The following RIMS4 variants were observed in gnomAD, a reference collection of about 807,000 sequenced individuals.
RIMS4 encodes the protein regulating synaptic membrane exocytosis 4.
Under a neutral mutation model 29.0 loss-of-function variants are expected in RIMS4, and 9 were observed. The ratio of observed to expected loss-of-function variants is 0.31; its 90% CI spans 0.19 to 0.54. The LOEUF (loss-of-function observed/expected upper bound fraction) is 0.54. RIMS4 is among the 20% of genes least tolerant of loss of function. The probability of loss-of-function intolerance (pLI) is 0.94; values close to 1 mark genes in which losing one functional copy is unlikely to be tolerated. For synonymous variants in RIMS4, 130 were observed against 152.9 expected (o/e 0.85, Z 1.10); for missense variants, 193 against 365.7 (o/e 0.53, Z 3.85).
In RIMS4 at chr20:44,773,501, A is replaced by C. The variant is rs370361270; in HGVS notation, c.98-2088T>G. ...GTGCAGGAACAAACACCCCCCCCAC[A>C]CCCCACACTAGGGATACAGACCCAT... On this transcript the variant is annotated intron_variant, in intron 1 of 5. Coordinates refer to ENST00000372851, the MANE Select transcript of RIMS4 (RefSeq NM_182970.4). Among the ~76,000 whole-genome samples the C allele has an allele frequency of 2.7e-4, 40 of 149,172 alleles. No homozygotes were observed. In the East Asian group the frequency reaches 5.7e-3, roughly 21 times the overall value.
At chr20:44,788,832 A>C (rs2066220159) in intron 1 of RIMS4, among the ~76,000 whole-genome samples, 1 of 152,158 alleles carries the variant, frequency 6.6e-6, no homozygotes, top group African/African-American at 2.4e-5. Context: ...TGCTGATAAC[A>C]GTGACTGCCA....
chr20:44,786,600 T>C (rs2208091), intron 1 of RIMS4, among the ~76,000 whole-genome samples: 67,202 of 152,000 alleles, frequency 0.44, 15,711 homozygotes, highest in African/African-American at 0.58. Flanking sequence ...GCAAACAGGA[T>C]GGCAGCATAA....
At chr20:44,803,967 T>C (rs1370149564) in intron 1 of RIMS4, among the ~76,000 whole-genome samples, 1 of 152,248 alleles carries the variant, frequency 6.6e-6, no homozygotes, top group Non-Finnish European at 1.5e-5. Context: ...TGTCACCTGC[T>C]GTTCTGACAG....
chr20:44,799,075 G>T (rs2066266817), intron 1 of RIMS4, among the ~76,000 whole-genome samples: 1 of 152,172 alleles, frequency 6.6e-6, no homozygotes, highest in South Asian at 2.1e-4. Flanking sequence ...GGCTGAGGTG[G>T]GCAGATCACC....
At chr20:44,796,208 C>T (rs1324557978) in intron 1 of RIMS4, among the ~76,000 whole-genome samples, 1 of 151,940 alleles carries the variant, frequency 6.6e-6, no homozygotes, top group Non-Finnish European at 1.5e-5. Context: ...ATGGCCTTTC[C>T]CAGCACCCTG....
intron 1 of RIMS4, among the ~76,000 whole-genome samples, chr20:44,782,131 A>G (rs1456270293): frequency 1.3e-5 from 2 of 152,232 alleles, no homozygotes; most frequent in African/African-American, 4.8e-5. Context: ...CCTGCAAAAC[A>G]GGAAAAATGA....
In RIMS4 at chr20:44,756,079, G is replaced by C; in HGVS notation, c.*55C>G. 1 of 1,403,114 alleles carries C rather than the reference G, an allele frequency of 7.1e-7. No homozygotes were observed. The allele number at this position is 1,403,114 out of a possible 1,614,324, so 86.9% of individuals were successfully genotyped here. On this transcript the variant is annotated 3_prime_UTR_variant, in exon 6 of 6. Coordinates refer to ENST00000372851, the MANE Select transcript of RIMS4 (RefSeq NM_182970.4). The surrounding 1 kb of genome is among the most constrained non-coding windows in gnomAD (Gnocchi z 5.9). ...ATGTGCCCCTGGGCCTGGGGTCCCA[G>C]GTCAGGGCTGGGTGGTCTCCAGGCC...
chr20:44,756,753 CCA>C lies in RIMS4; in HGVS notation c.591+143_591+144del. 3.0e-6 allele frequency: 2 copies of C among 668,428 alleles called. No homozygotes were observed. The highest frequency in any genetic ancestry group is 2.5e-6 in the Non-Finnish European group (1 of 401,538). 41.4% of individuals were successfully genotyped at this position (668,428 alleles called of 1,614,324 possible). The stretch of plus-strand genomic sequence containing the variant: ...CAGTAAGTTGTGGAGCTCAGTTCAG[CCA>C]CAGTGAACTGAGGGCCTCGCCTGTT... On this transcript the variant is annotated intron_variant, in intron 5 of 5. Coordinates refer to ENST00000372851, the MANE Select transcript of RIMS4 (RefSeq NM_182970.4). This position sits in a 1 kb window ranked among gnomAD's most constrained non-coding sequence, Gnocchi z 5.9.
intron 2 of RIMS4, among the ~76,000 whole-genome samples, chr20:44,760,329 T>C (rs762728118): frequency 1.4e-4 from 21 of 152,286 alleles, no homozygotes; most frequent in Non-Finnish European, 3.1e-4. Flanking sequence ...CAGAACACTT[T>C]ACAGAAATGG....
At chr20:44,776,785 C>T (rs949436818) in intron 1 of RIMS4, among the ~76,000 whole-genome samples, 5 of 152,104 alleles carry the variant, frequency 3.3e-5, no homozygotes, top group Non-Finnish European at 7.4e-5. Context: ...CCATGCCAAG[C>T]GTTTTACAAA....
At chr20:44,759,213 C>T (rs186436522) in intron 2 of RIMS4, among the ~76,000 whole-genome samples, 1 of 152,256 alleles carries the variant, frequency 6.6e-6, no homozygotes, top group East Asian at 1.9e-4. Context: ...ATCTGATCCT[C>T]ACCACAACCA....
chr20:44,755,959 T>C lies in RIMS4; in HGVS notation c.*175A>G. On this transcript the variant is annotated 3_prime_UTR_variant, in exon 6 of 6. Transcript: ENST00000372851. ...GTTGGGAGAGGGGAGGTCTCGGGGG[T>C]AGGAGGCAAAGAAGGGGTGAGGAGG... 1 of 580,134 alleles carries C rather than the reference T, an allele frequency of 1.7e-6. No individual in the cohort carries two copies. The highest frequency in any genetic ancestry group is 2.3e-5 in the South Asian group (1 of 43,068). The allele number at this position is 580,134 out of a possible 1,614,324, so 35.9% of individuals were successfully genotyped here. A position where few individuals can be genotyped will look rare whatever the true frequency, so the allele number is the denominator to read the frequency against.
chr20:44,760,036 G>C (rs1482253558), intron 2 of RIMS4, among the ~76,000 whole-genome samples: 5 of 152,328 alleles, frequency 3.3e-5, no homozygotes, highest in African/African-American at 1.2e-4. Context: ...AAGAGACTTG[G>C]GCTCTTGACT....
chr20:44,805,285 G>A (rs1300729389), intron 1 of RIMS4, among the ~76,000 whole-genome samples: 1 of 152,056 alleles, frequency 6.6e-6, no homozygotes, highest in Non-Finnish European at 1.5e-5. Context: ...CACCTTGGGC[G>A]ACAGAGGGAG....
At chr20:44,797,283 G>T (rs911644248) in intron 1 of RIMS4, among the ~76,000 whole-genome samples, 9 of 152,130 alleles carry the variant, frequency 5.9e-5, no homozygotes, top group Non-Finnish European at 1.0e-4. Flanking sequence ...TATTGTCTGG[G>T]GCTGCTTTCT....
chr20:44,799,662 C>G (rs976754786), intron 1 of RIMS4, among the ~76,000 whole-genome samples: 6 of 152,220 alleles, frequency 3.9e-5, no homozygotes, highest in African/African-American at 1.4e-4. Flanking sequence ...ACTAGGGACA[C>G]TGAGTGCTGG....
At position 44,754,469 on chromosome 20, in the gene RIMS4, C is replaced by T. The variant is rs2066049450; in HGVS notation, c.*1665G>A. On this transcript the variant is annotated 3_prime_UTR_variant, in exon 6 of 6. Coordinates refer to ENST00000372851, the MANE Select transcript of RIMS4 (RefSeq NM_182970.4). ...GGGTGTCCTCAGGAGAAAACAACACCCTCTAATGGAGACCAGGCCCCCTCT... is the reference window on the plus strand; with the variant it reads ...GGGTGTCCTCAGGAGAAAACAACACTCTCTAATGGAGACCAGGCCCCCTCT... The T allele has an allele frequency of 6.4e-6, 1 of 156,338 alleles. No homozygotes were observed. Among genetic ancestry groups the T allele is most frequent in the South Asian group, 2.0e-4 (1 of 5,070 alleles). 9.7% of individuals were successfully genotyped at this position (156,338 alleles called of 1,614,324 possible). A position where few individuals can be genotyped will look rare whatever the true frequency, so the allele number is the denominator to read the frequency against.
intron 1 of RIMS4, among the ~76,000 whole-genome samples, chr20:44,802,392 C>T (rs2066280998): frequency 6.6e-6 from 1 of 152,202 alleles, no homozygotes; most frequent in South Asian, 2.1e-4. Context: ...GTTGAAGCAA[C>T]TTGCCTACAG....
chr20:44,790,171 G>A (rs1010490845), intron 1 of RIMS4, among the ~76,000 whole-genome samples: 1 of 152,192 alleles, frequency 6.6e-6, no homozygotes, highest in Admixed American at 6.5e-5. Context: ...TCAGGATCCT[G>A]GCTGCTGACG....
Sources: allele counts gnomAD v4.1 joint callset (sites outside exome capture counted in the v4.1 genomes callset), GRCh38; gene constraint gnomAD v4.1.1; non-coding constraint Gnocchi (gnomAD v3.1); transcripts MANE v1.5; gene names NCBI Gene and HGNC (gene_info 2026-07-23, HGNC 2026-07-21).